HS6ST3: variants seen among roughly 807,000 people sequenced by gnomAD.
HS6ST3 encodes the protein heparan-sulfate 6-O-sulfotransferase 3.
A neutral mutation model predicts 36.7 loss-of-function variants in HS6ST3; 12 were observed. The observed-to-expected ratio is 0.33, with a 90% CI of 0.21 to 0.53. The LOEUF (loss-of-function observed/expected upper bound fraction) is 0.53. HS6ST3 is among the 20% of genes least tolerant of loss of function. The pLI is 0.95. For synonymous variants in HS6ST3, 240 were observed against 257.5 expected, an observed-to-expected ratio of 0.93 and a Z score of 0.65; for missense variants, 584 against 640.9, an observed-to-expected ratio of 0.91 and a Z score of 0.96.
chr13:96,454,964 T>G (rs575689996), intron 1 of HS6ST3, among the ~76,000 whole-genome samples: 99 of 152,014 alleles, frequency 6.5e-4, no homozygotes, highest in Admixed American at 2.5e-3. Context: ...GTTAAATGAA[T>G]TACTGTGTCT....
intron 1 of HS6ST3, among the ~76,000 whole-genome samples, chr13:96,820,832 C>T (rs1186963849): frequency 6.6e-6 from 1 of 152,216 alleles, no homozygotes; most frequent in Non-Finnish European, 1.5e-5. Context: ...GGCTTTGGGA[C>T]AGCCAACTTC....
chr13:96,156,024 CTT>C (rs990222491), intron 1 of HS6ST3, among the ~76,000 whole-genome samples: 2 of 152,192 alleles, frequency 1.3e-5, no homozygotes, highest in Non-Finnish European at 2.9e-5. Context: ...TTGTCATTCT[CTT>C]TCTCTCTTCT....
chr13:96,394,720 C>T lies in HS6ST3; in HGVS notation c.707+303151C>T, dbSNP rs529490672. On this transcript the variant is annotated intron_variant, in intron 1 of 1. Coordinates refer to ENST00000376705, the MANE Select transcript of HS6ST3 (RefSeq NM_153456.4). ...AGAATGTGATCCTATTGTTGGAATT[C>T]GTACCCAGTTCTTATGGTACATTGT... 8.5e-5 allele frequency among the ~76,000 whole-genome samples: 13 copies of T among 152,224 alleles called. No individual in the cohort carries two copies. In the East Asian group the frequency reaches 1.5e-3, roughly 18 times the overall value.
chr13:96,646,647 T>C (rs1333173837), intron 1 of HS6ST3, among the ~76,000 whole-genome samples: 3 of 152,024 alleles, frequency 2.0e-5, no homozygotes, highest in African/African-American at 7.2e-5. Flanking sequence ...AGCACTGGAC[T>C]GTTAATAATT....
intron 1 of HS6ST3, among the ~76,000 whole-genome samples, chr13:96,594,129 T>C (rs932561049): frequency 1.3e-5 from 2 of 152,004 alleles, no homozygotes; most frequent in African/African-American, 2.4e-5. Flanking sequence ...TGTGCCACCA[T>C]GCCAGGCTAA....
chr13:96,697,091 A>C (rs973941438), intron 1 of HS6ST3, among the ~76,000 whole-genome samples: 2 of 152,080 alleles, frequency 1.3e-5, no homozygotes, highest in Non-Finnish European at 2.9e-5. Context: ...AAGATAATAC[A>C]TTCATAAAAC....
chr13:96,674,083 A>C (rs1341025393), intron 1 of HS6ST3, among the ~76,000 whole-genome samples: 1 of 152,090 alleles, frequency 6.6e-6, no homozygotes, highest in African/African-American at 2.4e-5. Flanking sequence ...GTCGAATTGT[A>C]ATCCCCATTG....
chr13:96,258,860 A>T (rs900133053), intron 1 of HS6ST3, among the ~76,000 whole-genome samples: 1 of 152,104 alleles, frequency 6.6e-6, no homozygotes, highest in Non-Finnish European at 1.5e-5. Flanking sequence ...TCTCTTCCCT[A>T]TAGGTGGTTA....
intron 1 of HS6ST3, among the ~76,000 whole-genome samples, chr13:96,206,037 A>AT (rs1231179618): frequency 6.6e-6 from 1 of 152,184 alleles, no homozygotes; most frequent in African/African-American, 2.4e-5. Flanking sequence ...TTTTTTGCAG[A>AT]TAACATGATC....
chr13:96,347,804 T>C (rs2055162874), intron 1 of HS6ST3, among the ~76,000 whole-genome samples: 1 of 152,208 alleles, frequency 6.6e-6, no homozygotes, highest in Non-Finnish European at 1.5e-5. Flanking sequence ...CAGGTACTTA[T>C]CTGACTTCCC....
At chr13:96,481,576 C>G (rs188789087) in intron 1 of HS6ST3, among the ~76,000 whole-genome samples, 170 of 152,342 alleles carry the variant, frequency 1.1e-3, no homozygotes, top group African/African-American at 3.9e-3. Flanking sequence ...CAGACTCACT[C>G]TCCACCAACC....
chr13:96,422,041 C>T (rs1257846949), intron 1 of HS6ST3, among the ~76,000 whole-genome samples: 1 of 152,142 alleles, frequency 6.6e-6, no homozygotes, highest in East Asian at 1.9e-4. Context: ...TTCATGCTTC[C>T]CTGAATAACA....
intron 1 of HS6ST3, among the ~76,000 whole-genome samples, chr13:96,414,915 C>T (rs559605456): frequency 6.6e-6 from 1 of 152,068 alleles, no homozygotes; most frequent in African/African-American, 2.4e-5. Context: ...AAGGATGGAG[C>T]CTTTCTCAGA....
intron 1 of HS6ST3, among the ~76,000 whole-genome samples, chr13:96,557,081 A>G (rs1414513683): frequency 6.6e-6 from 1 of 152,220 alleles, no homozygotes; most frequent in East Asian, 1.9e-4. Flanking sequence ...GTGAGGTTCT[A>G]AAAACAGCCA....
intron 1 of HS6ST3, among the ~76,000 whole-genome samples, chr13:96,190,885 G>T (rs2139345482): frequency 6.6e-6 from 1 of 151,978 alleles, no homozygotes; most frequent in East Asian, 1.9e-4. Flanking sequence ...AGAAGGTGGG[G>T]CATGCTTGAA....
At chr13:96,135,191 T>A (rs1483841616) in intron 1 of HS6ST3, among the ~76,000 whole-genome samples, 5 of 152,202 alleles carry the variant, frequency 3.3e-5, no homozygotes, top group Admixed American at 2.0e-4. Flanking sequence ...GCCACCCTTC[T>A]TAGCAGGTTT....
chr13:96,596,575 A>G (rs2056402334), intron 1 of HS6ST3, among the ~76,000 whole-genome samples: 1 of 152,184 alleles, frequency 6.6e-6, no homozygotes, highest in African/African-American at 2.4e-5. Context: ...TTATGTCACC[A>G]GCAGCAGTGT....
chr13:96,135,512 G>A (rs551330628), intron 1 of HS6ST3, among the ~76,000 whole-genome samples: 6 of 152,058 alleles, frequency 3.9e-5, no homozygotes, highest in African/African-American at 1.2e-4. Flanking sequence ...TGCTATTGGC[G>A]GTATCCCTAG....
chr13:96,380,139 A>G (rs1047519179), intron 1 of HS6ST3, among the ~76,000 whole-genome samples: 2 of 152,152 alleles, frequency 1.3e-5, no homozygotes, highest in Non-Finnish European at 2.9e-5. Context: ...GCTTCATAGA[A>G]CATTCTGTTT....
Sources: gnomAD v4.1 joint callset for allele counts (sites outside exome capture counted in the v4.1 genomes callset) on GRCh38, gnomAD v4.1.1 for gene constraint, MANE v1.5 for transcripts, NCBI Gene and HGNC (gene_info 2026-07-23, HGNC 2026-07-21) for gene names.